CD83: variants seen among roughly 807,000 people sequenced by gnomAD.
CD83 encodes the protein CD83 antigen.
A neutral mutation model predicts 24.6 loss-of-function variants in CD83; 22 were observed. That is an observed-to-expected ratio of 0.90 (90% CI 0.64 to 1.28). CD83 has a LOEUF of 1.28. CD83 is among the 50% of genes most tolerant of loss of function. The pLI, the probability that CD83 is intolerant of heterozygous loss-of-function variation, is 0.00. For missense variants in CD83, 253 were observed against 252.8 expected (o/e 1.00, Z -0.01); for synonymous variants, 101 against 103.5 (o/e 0.98, Z 0.14).
At position 14,135,309 on chromosome 6, in the gene CD83, GAAGA is replaced by G; in HGVS notation, c.*75_*78del. 1 of 1,514,870 alleles carries G rather than the reference GAAGA, an allele frequency of 6.6e-7. No individual in the cohort carries two copies. Among genetic ancestry groups the G allele is most frequent in the East Asian group, 2.3e-5 (1 of 44,122 alleles). 93.8% of individuals were successfully genotyped at this position (1,514,870 alleles called of 1,614,324 possible). A position where few individuals can be genotyped will look rare whatever the true frequency, so the allele number is the denominator to read the frequency against. On this transcript the variant is annotated 3_prime_UTR_variant, in exon 5 of 5. Transcript: ENST00000379153. ...TGCCTGTCTGTTACACTGGAGGAGA[GAAGA>G]ATGAGCCTACGCTGAAGATGGCATC... is the stretch of plus-strand genomic sequence containing the variant.
intron 2 of CD83, among the ~76,000 whole-genome samples, chr6:14,126,466 G>A (rs535660099): frequency 6.6e-6 from 1 of 152,308 alleles, no homozygotes; most frequent in South Asian, 2.1e-4. Flanking sequence ...CAAGAGCAGA[G>A]GTAGCCGTGG....
chr6:14,118,262 G>C (rs886651138), intron 2 of CD83, among the ~76,000 whole-genome samples, 197 bp downstream of exon 2: 1 of 152,158 alleles, frequency 6.6e-6, no homozygotes, highest in African/African-American at 2.4e-5. Context: ...GCCGAATTAG[G>C]TTTTGCTCTC....
intron 2 of CD83, among the ~76,000 whole-genome samples, chr6:14,122,831 T>G (rs1486336655): frequency 6.6e-6 from 1 of 152,254 alleles, no homozygotes; most frequent in Non-Finnish European, 1.5e-5. Flanking sequence ...GGGCCTGGCA[T>G]TGGCCATCTC....
chr6:14,119,735 C>G (rs117407945), intron 2 of CD83, among the ~76,000 whole-genome samples: 1 of 152,060 alleles, frequency 6.6e-6, no homozygotes, highest in Admixed American at 6.6e-5. Flanking sequence ...TCTCAAAGAA[C>G]GGGGAAAAAC....
At position 14,129,958 on chromosome 6, in the gene CD83, A is replaced by G. The variant is rs1314440223; in HGVS notation, c.154-1562A>G. Among the ~76,000 whole-genome samples, 1 of 151,868 alleles carries G rather than the reference A, an allele frequency of 6.6e-6. No individual in the cohort carries two copies. Among genetic ancestry groups the G allele is most frequent in the Non-Finnish European group, 1.5e-5 (1 of 67,988 alleles). On this transcript the variant is annotated intron_variant, in intron 2 of 4. Transcript: ENST00000379153. The surrounding 1 kb of genome is among the most constrained non-coding windows in gnomAD (Gnocchi z 4.3). ...ACTCCTTGGTTATCTCTTTCCCTAC[A>G]CTGAGTTCCTTCCTAAAAGTCAGAG...
At position 14,135,801 on chromosome 6, in the gene CD83, A is replaced by G. The variant is rs1289580833; in HGVS notation, c.*565A>G. 1.3e-5 allele frequency: 2 copies of G among 152,284 alleles called. No homozygotes were observed. Among genetic ancestry groups the G allele is most frequent in the Non-Finnish European group, 2.9e-5 (2 of 68,076 alleles). 9.4% of individuals were successfully genotyped at this position (152,284 alleles called of 1,614,324 possible). A position where few individuals can be genotyped will look rare whatever the true frequency, so the allele number is the denominator to read the frequency against. On this transcript the variant is annotated 3_prime_UTR_variant, in exon 5 of 5. Coordinates refer to ENST00000379153, the MANE Select transcript of CD83 (RefSeq NM_004233.4). ...CTGTGTACAAAGAAATAACAAGTCG[A>G]TGAACTATTCCCCAGCAGGGTCTTT...
At chr6:14,125,211 G>A (rs913040014) in intron 2 of CD83, among the ~76,000 whole-genome samples, 3 of 152,204 alleles carry the variant, frequency 2.0e-5, no homozygotes, top group African/African-American at 7.2e-5. Flanking sequence ...AGTTTGTGGT[G>A]CTCTGCAGCC....
chr6:14,124,893 T>C (rs1759749041), intron 2 of CD83, among the ~76,000 whole-genome samples: 1 of 152,110 alleles, frequency 6.6e-6, no homozygotes, highest in South Asian at 2.1e-4. Flanking sequence ...TGTAATCAAA[T>C]TGAGATGAGG....
At chr6:14,124,627 G>A (rs142770246) in intron 2 of CD83, among the ~76,000 whole-genome samples, 14 of 152,300 alleles carry the variant, frequency 9.2e-5, no homozygotes, top group Non-Finnish European at 1.5e-4. Context: ...TATTTACATG[G>A]TGGTGCGGGG....
rs747801086 is a variant in CD83, at chr6:14,131,598, C to A, written c.232C>A (p.Gln78Lys). The change falls in exon 3 of 5, where the codon CAA (glutamine) becomes AAA (lysine). Residue 78 changes from glutamine to lysine, a missense_variant. Gln to Lys is a moderately conservative substitution (Grantham distance 53). Transcript: ENST00000379153. ...LRGQHYHQKG[Q>K]NGSFDAPNER... Reference sequence around the variant, plus strand: ...GGGACAGCACTATCATCAGAAGGGGCAAAATGGTTCTTTCGACGCCCCCAA... The same window carrying A: ...GGGACAGCACTATCATCAGAAGGGGAAAAATGGTTCTTTCGACGCCCCCAA... The A allele has an allele frequency of 1.9e-6, 3 of 1,614,132 alleles. No individual in the cohort carries two copies. The highest frequency in any genetic ancestry group is 2.5e-6 in the Non-Finnish European group (3 of 1,180,020).
Position 14,135,231 on chromosome 6 carries a change from G to T in CD83, c.613G>T (p.Val205Leu). Residue 205 changes from valine (V) to leucine (L), a missense_variant, in exon 5 of 5, where the codon GTA becomes TTA. Val to Leu is a conservative substitution (Grantham distance 32, BLOSUM62 1). Coordinates refer to ENST00000379153, the MANE Select transcript of CD83 (RefSeq NM_004233.4). ...GLVTPHKTEL[V>L] is the part of the protein sequence containing the mutation. ...AGTGACTCCTCACAAGACAGAACTG[G>T]TATGAGCAGGATTTCTGCAGGTTCT... The T allele has an allele frequency of 6.2e-7, 1 of 1,613,998 alleles. No homozygotes were observed. Among genetic ancestry groups the T allele is most frequent in the Non-Finnish European group, 8.5e-7 (1 of 1,179,914 alleles).
chr6:14,129,833 C>CTCTGTGTGTGTGTGTG lies in CD83; in HGVS notation c.154-1686_154-1685insCTGTGTGTGTGTGTGT, dbSNP rs367556018. 3.4e-5 allele frequency among the ~76,000 whole-genome samples: 5 copies of CTCTGTGTGTGTGTGTG among 147,708 alleles called. No individual in the cohort carries two copies. The highest frequency in any genetic ancestry group is 2.7e-4 in the Admixed American group (4 of 14,826). On this transcript the variant is annotated intron_variant, in intron 2 of 4. Transcript: ENST00000379153. This position sits in a 1 kb window ranked among gnomAD's most constrained non-coding sequence, Gnocchi z 4.3. ...GAATTAATAAATGAAGCAGAAATGA[C>CTCTGTGTGTGTGTGTG]TGTGTGTGTGTGTGTGTGTGTGTGT...
At chr6:14,125,361 A>G (rs1759779181) in intron 2 of CD83, among the ~76,000 whole-genome samples, 1 of 152,196 alleles carries the variant, frequency 6.6e-6, no homozygotes, top group African/African-American at 2.4e-5. Context: ...GCCAGTAACT[A>G]CAGAGTTGGA....
rs57805122 is a variant in CD83 at position 14,121,616 on chromosome 6, C to CAAA, written c.153+3574_153+3576dup. On this transcript the variant is annotated intron_variant, in intron 2 of 4. Transcript: ENST00000379153. ...GCAATGCAGTGAGACCTGTCTCTAC[C>CAAA]AAAAAAAAAAAAAAAAAAAAAAAAA... 2.0e-4 allele frequency among the ~76,000 whole-genome samples: 11 copies of CAAA among 53,782 alleles called. 1 individual carries two copies. The highest frequency in any genetic ancestry group is 8.3e-3 in the Middle Eastern group (1 of 120). The allele number at this position is 53,782 out of a possible 152,430, so 35.3% of individuals were successfully genotyped here. A position where few individuals can be genotyped will look rare whatever the true frequency, so the allele number is the denominator to read the frequency against.
intron 4 of CD83, 125 bp from the exon 5 acceptor site, chr6:14,134,983 C>A: frequency 1.2e-6 from 1 of 840,194 alleles, no homozygotes; most frequent in Non-Finnish European, 1.9e-6. Flanking sequence ...GCGAGTGAGG[C>A]AGTGAGTATG....
chr6:14,133,795 T>G (rs1400178504), intron 4 of CD83, 40 bp downstream of exon 4: 1 of 1,296,658 alleles, frequency 7.7e-7, no homozygotes, highest in South Asian at 1.2e-5. Flanking sequence ...ATTAAAAGAT[T>G]ACCCAGGGCA....
At chr6:14,133,179 G>A (rs549099290) in intron 3 of CD83, among the ~76,000 whole-genome samples, 1 of 152,340 alleles carries the variant, frequency 6.6e-6, no homozygotes, top group Admixed American at 6.5e-5. Context: ...CTGAGGTGAG[G>A]ACACACCACA....
At position 14,129,840 on chromosome 6, in the gene CD83, T is replaced by A. The variant is rs1199300786; in HGVS notation, c.154-1680T>A. The stretch of plus-strand genomic sequence containing the variant: ...TAAATGAAGCAGAAATGACTGTGTG[T>A]GTGTGTGTGTGTGTGTGTGTGTGTA... On this transcript the variant is annotated intron_variant, in intron 2 of 4. Transcript: ENST00000379153. This position sits in a 1 kb window ranked among gnomAD's most constrained non-coding sequence, Gnocchi z 4.3. 1.6e-5 allele frequency among the ~76,000 whole-genome samples: 2 copies of A among 123,590 alleles called. No homozygotes were observed. Among genetic ancestry groups the A allele is most frequent in the Non-Finnish European group, 3.2e-5 (2 of 61,824 alleles). The allele number at this position is 123,590 out of a possible 152,430, so 81.1% of individuals were successfully genotyped here. A position where few individuals can be genotyped will look rare whatever the true frequency, so the allele number is the denominator to read the frequency against.
chr6:14,127,563 C>A (rs75984426), intron 2 of CD83, among the ~76,000 whole-genome samples: 72 of 149,374 alleles, frequency 4.8e-4, no homozygotes, highest in African/African-American at 1.6e-3. Flanking sequence ...AAAAAAAAAA[C>A]TGACTCCATT....
Sources: gnomAD v4.1 joint callset for allele counts (sites outside exome capture counted in the v4.1 genomes callset) on GRCh38, gnomAD v4.1.1 for gene constraint, Gnocchi (gnomAD v3.1) non-coding constraint, MANE v1.5 for transcripts, NCBI Gene and HGNC (gene_info 2026-07-23, HGNC 2026-07-21) for gene names.